APAF1: variants seen among roughly 807,000 people sequenced by gnomAD.
The protein encoded by APAF1 is apoptotic protease-activating factor 1.
APAF1 carries 91 observed loss-of-function variants against 152.4 expected under a neutral mutation model. That is an observed-to-expected ratio of 0.60 (90% CI 0.50 to 0.71). The LOEUF is 0.71. Among genes scored for constraint, APAF1 ranks in the 30% least tolerant of loss-of-function variants. The pLI is 0.00. For synonymous variants in APAF1, 484 were observed against 494.1 expected, an observed-to-expected ratio of 0.98 and a Z score of 0.27; for missense variants, 1,283 against 1,472.0, an observed-to-expected ratio of 0.87 and a Z score of 2.10.
At chr12:98,653,994 A>C (rs1308560041) in intron 4 of APAF1, among the ~76,000 whole-genome samples, 1 of 151,894 alleles carries the variant, frequency 6.6e-6, no homozygotes, top group Non-Finnish European at 1.5e-5. Context: ...CCTCCTGTGA[A>C]AGTAGTGTGG....
In APAF1 at chr12:98,667,502, T is replaced by C. The variant is rs376345086; in HGVS notation, c.1363-11T>C. 87 of 1,612,866 alleles carry C rather than the reference T, an allele frequency of 5.4e-5. No homozygotes were observed. Among genetic ancestry groups the C allele is most frequent in the African/African-American group, 2.5e-4 (19 of 74,846 alleles). On this transcript the variant is annotated splice_polypyrimidine_tract_variant and intron_variant, in intron 9 of 26. Coordinates refer to ENST00000551964, the MANE Select transcript of APAF1 (RefSeq NM_181861.2). ...TGTTTCTGGCTTCTGAAACGTTTCA[T>C]TGGGTTGCAGGATCTACATAAGAAG... is the stretch of plus-strand genomic sequence containing the variant.
chr12:98,732,772 C>A lies in APAF1; in HGVS notation c.*206C>A. ...CTTTAATCTTGTTTTTCATGATCAT[C>A]ATTAACAGTTTGTCCTTAGGATGCA... On this transcript the variant is annotated 3_prime_UTR_variant, in exon 27 of 27. Coordinates refer to ENST00000551964, the MANE Select transcript of APAF1 (RefSeq NM_181861.2). 1 of 541,034 alleles carries A rather than the reference C, an allele frequency of 1.8e-6. No individual in the cohort carries two copies. Among genetic ancestry groups the A allele is most frequent in the Non-Finnish European group, 3.3e-6 (1 of 305,444 alleles). The allele number at this position is 541,034 out of a possible 1,614,324, so 33.5% of individuals were successfully genotyped here.
chr12:98,728,887 A>G (rs928679697), intron 26 of APAF1, among the ~76,000 whole-genome samples: 24 of 152,184 alleles, frequency 1.6e-4, no homozygotes, highest in African/African-American at 5.8e-4. Context: ...CTTCAGGGTC[A>G]TATTTTTGGT....
rs2097728877 is a variant in APAF1, at chr12:98,712,331, A to G, written c.2854A>G (p.Arg952Gly). 2.5e-6 allele frequency: 4 copies of G among 1,609,358 alleles called. No homozygotes were observed. The South Asian group carries it at 3.3e-5, about 13-fold the overall frequency. The change falls in exon 21 of 27, where the codon AGA becomes GGA. Residue 952 changes from arginine (R) to glycine (G), a missense_variant. Arg to Gly is a moderately radical substitution (Grantham distance 125, BLOSUM62 -2). Coordinates refer to ENST00000551964, the MANE Select transcript of APAF1 (RefSeq NM_181861.2). ...CATTTTTCATTAGCTCATTAATGGA[A>G]GAACAGGTCAGATTGATTATCTGAC... The part of the protein sequence containing the change: ...HIRRLQLING[R>G]TGQIDYLTEA...
chr12:98,687,698 A>G (rs904128793), intron 16 of APAF1, among the ~76,000 whole-genome samples: 14 of 152,312 alleles, frequency 9.2e-5, no homozygotes, highest in African/African-American at 3.4e-4. Flanking sequence ...TCACTTTTGA[A>G]GGTCCCATCT....
At chr12:98,650,633 A>C (rs1305862757) in intron 4 of APAF1, among the ~76,000 whole-genome samples, 1 of 152,146 alleles carries the variant, frequency 6.6e-6, no homozygotes, top group African/African-American at 2.4e-5. Flanking sequence ...ATGTGTACAC[A>C]TGGCCTCAGT....
chr12:98,691,722 G>GT (rs201698124), intron 16 of APAF1, among the ~76,000 whole-genome samples: 1,609 of 151,442 alleles, frequency 0.011, 36 homozygotes, highest in African/African-American at 0.037. Context: ...TAGTTTTTTT[G>GT]TTTTTTTGTG....
At chr12:98,705,238 A>C (rs1011285455) in intron 18 of APAF1, among the ~76,000 whole-genome samples, 2 of 152,180 alleles carry the variant, frequency 1.3e-5, no homozygotes, top group African/African-American at 2.4e-5. Flanking sequence ...GAAACAATGA[A>C]AGAGTATCTT....
intron 17 of APAF1, 127 bp from the exon 18 acceptor site, chr12:98,703,244 A>T (rs541279741): frequency 2.0e-6 from 2 of 1,009,852 alleles, no homozygotes; most frequent in East Asian, 4.9e-5. Flanking sequence ...ATGACTGTCA[A>T]TAATTATGCC....
At chr12:98,725,177 G>A (rs1390818947) in intron 24 of APAF1, among the ~76,000 whole-genome samples, 1 of 152,186 alleles carries the variant, frequency 6.6e-6, no homozygotes, top group Non-Finnish European at 1.5e-5. Context: ...CTTCTGTCTA[G>A]GTCTAAATTA....
rs762198187 is a variant in APAF1 at position 98,683,232 on chromosome 12, T to A, written c.2136T>A (p.His712Gln). ...GCTGCCATTTCACCAACAGTAGTCA[T>A]CATCTTCTCTTAGCCACTGGGTCAA... ...VNCCHFTNSS[H>Q]HLLLATGSSD... is the part of the protein sequence containing the mutation. The change falls in exon 15 of 27, where the codon CAT becomes CAA. Residue 712 changes from histidine to glutamine, a missense_variant. Coordinates refer to ENST00000551964, the MANE Select transcript of APAF1 (RefSeq NM_181861.2). 6.2e-7 allele frequency: 1 copy of A among 1,614,010 alleles called. No individual in the cohort carries two copies. Among genetic ancestry groups the A allele is most frequent in the South Asian group, 1.1e-5 (1 of 91,086 alleles).
At chr12:98,730,299 G>A (rs1008187349) in intron 26 of APAF1, among the ~76,000 whole-genome samples, 8 of 152,196 alleles carry the variant, frequency 5.3e-5, no homozygotes, top group Admixed American at 5.2e-4. Flanking sequence ...ATGCTTAGAG[G>A]AGAGTCATTG....
intron 17 of APAF1, 99 bp from the exon 18 acceptor site, chr12:98,703,272 A>G (rs2097717627): frequency 1.5e-6 from 2 of 1,336,334 alleles, no homozygotes; most frequent in South Asian, 2.4e-5. Flanking sequence ...AGTAATTGTC[A>G]TATTTTTTTC....
intron 12 of APAF1, among the ~76,000 whole-genome samples, chr12:98,673,575 T>TAC (rs2097683202): frequency 6.6e-6 from 1 of 152,206 alleles, no homozygotes; most frequent in Non-Finnish European, 1.5e-5. Context: ...GTATAATTTA[T>TAC]ATCTAAATAG....
At chr12:98,679,589 A>G (rs904422879) in intron 13 of APAF1, among the ~76,000 whole-genome samples, 1 of 152,228 alleles carries the variant, frequency 6.6e-6, no homozygotes, top group African/African-American at 2.4e-5. Flanking sequence ...AAGTGAAGAT[A>G]AGTAAAGAAA....
At chr12:98,676,782 G>T (rs1052744828) in intron 12 of APAF1, among the ~76,000 whole-genome samples, 3 of 152,048 alleles carry the variant, frequency 2.0e-5, no homozygotes, top group African/African-American at 7.2e-5. Flanking sequence ...AAGTAGCTGG[G>T]ATTACAGGCA....
intron 18 of APAF1, among the ~76,000 whole-genome samples, chr12:98,706,038 A>G (rs1217859942): frequency 1.3e-5 from 2 of 152,164 alleles, no homozygotes; most frequent in Non-Finnish European, 2.9e-5. Context: ...ATAAGCAGAT[A>G]TCTATATGCA....
Position 98,721,120 on chromosome 12 carries a change from G to A in APAF1, c.3085-2073G>A, listed in dbSNP as rs542878760. ...ACTTTTGCATTTGACTAATGGTGGT[G>A]GAAGTTTAGTGATATTAAGGTTATT... On this transcript the variant is annotated intron_variant, in intron 22 of 26. Transcript: ENST00000551964. Among the ~76,000 whole-genome samples the A allele has an allele frequency of 3.9e-5, 6 of 152,298 alleles. No homozygotes were observed. In the East Asian group the frequency reaches 1.2e-3, roughly 29 times the overall value.
At chr12:98,720,449 A>G (rs1387767818) in intron 22 of APAF1, among the ~76,000 whole-genome samples, 1 of 152,162 alleles carries the variant, frequency 6.6e-6, no homozygotes, top group Admixed American at 6.5e-5. Flanking sequence ...TTATCTTTGT[A>G]TCCCCAAAGC....
Sources: gnomAD v4.1 joint callset for allele counts (sites outside exome capture counted in the v4.1 genomes callset) on GRCh38, gnomAD v4.1.1 for gene constraint, MANE v1.5 for transcripts, NCBI Gene and HGNC (gene_info 2026-07-23, HGNC 2026-07-21) for gene names.